The following GRID1 variants were observed in gnomAD, a reference collection of about 807,000 sequenced individuals.
The protein encoded by GRID1 is glutamate receptor ionotropic, delta-1.
Under a neutral mutation model 98.0 loss-of-function variants are expected in GRID1, and 28 were observed. That is an observed-to-expected ratio of 0.29 (90% CI 0.21 to 0.39). GRID1 has a LOEUF of 0.39. Among genes scored for constraint, GRID1 ranks in the 10% least tolerant of loss-of-function variants. The pLI is 1.00. For missense variants in GRID1, 1,111 were observed against 1,340.5 expected, an observed-to-expected ratio of 0.83 and a Z score of 2.67; for synonymous variants, 553 against 538.5, an observed-to-expected ratio of 1.03 and a Z score of -0.37.
chr10:85,973,990 G>A (rs1294855521), intron 4 of GRID1, among the ~76,000 whole-genome samples: 1 of 152,156 alleles, frequency 6.6e-6, no homozygotes, highest in Non-Finnish European at 1.5e-5. Flanking sequence ...TCGCAGACTG[G>A]GGAGTCACCT....
At chr10:85,720,388 T>C (rs940073189) in intron 12 of GRID1, among the ~76,000 whole-genome samples, 2 of 151,862 alleles carry the variant, frequency 1.3e-5, no homozygotes, top group Non-Finnish European at 2.9e-5. Flanking sequence ...ACAAAGAAGA[T>C]TAAAATGGGA....
At position 86,206,325 on chromosome 10, in the gene GRID1, G is replaced by T; in HGVS notation, c.520+39C>A. 1 of 1,558,788 alleles carries T rather than the reference G, an allele frequency of 6.4e-7. No individual in the cohort carries two copies. Among genetic ancestry groups the T allele is most frequent in the Non-Finnish European group, 8.7e-7 (1 of 1,149,386 alleles). On this transcript the variant is annotated intron_variant, in intron 3 of 15. Coordinates refer to ENST00000327946, the MANE Select transcript of GRID1 (RefSeq NM_017551.3). This position sits in a 1 kb window ranked among gnomAD's most constrained non-coding sequence, Gnocchi z 4.1. ...GGTCTCCCAGCATCTGGCCATCCCT[G>T]TCCCCAAGCAGCCCCAGCTCGCCTG... is the stretch of plus-strand genomic sequence containing the variant.
intron 2 of GRID1, among the ~76,000 whole-genome samples, chr10:86,247,134 G>T (rs933796783): frequency 2.0e-5 from 3 of 152,224 alleles, no homozygotes; most frequent in African/African-American, 7.2e-5. Context: ...GGGCAAGGGG[G>T]TAGGTGGATG....
chr10:86,104,059 T>G (rs1844342066), intron 4 of GRID1, among the ~76,000 whole-genome samples: 1 of 152,156 alleles, frequency 6.6e-6, no homozygotes, highest in Admixed American at 6.5e-5. Context: ...GGTGCACATG[T>G]GCATACTTGT....
At chr10:85,880,365 A>T (rs568583912) in intron 5 of GRID1, among the ~76,000 whole-genome samples, 1 of 152,308 alleles carries the variant, frequency 6.6e-6, no homozygotes, top group East Asian at 1.9e-4. Context: ...TTGATGCAAA[A>T]ATCCTCAATA....
chr10:85,613,969 T>A (rs1218834552), intron 14 of GRID1, among the ~76,000 whole-genome samples: 1 of 152,190 alleles, frequency 6.6e-6, no homozygotes, highest in Non-Finnish European at 1.5e-5. Context: ...GAGCTCAAGA[T>A]AAAACTAGGA....
At chr10:85,708,156 G>T (rs535798654) in intron 12 of GRID1, among the ~76,000 whole-genome samples, 9,041 of 147,064 alleles carry the variant, frequency 0.061, 540 homozygotes, top group African/African-American at 0.15. Context: ...ATAATCCCCA[G>T]CACTTTGGGA....
intron 8 of GRID1, among the ~76,000 whole-genome samples, chr10:85,821,591 T>C (rs1367540396): frequency 7.0e-6 from 1 of 142,434 alleles, no homozygotes; most frequent in Non-Finnish European, 1.5e-5. Context: ...GAGGGAGACA[T>C]GGATTGCAAA....
intron 3 of GRID1, among the ~76,000 whole-genome samples, chr10:86,162,212 C>A (rs570437342): frequency 2.0e-5 from 3 of 152,160 alleles, no homozygotes; most frequent in Non-Finnish European, 4.4e-5. Flanking sequence ...GGTGGTGTCC[C>A]AGGCAGCAAG....
At chr10:85,918,484 C>G (rs1841651781) in intron 4 of GRID1, among the ~76,000 whole-genome samples, 1 of 152,146 alleles carries the variant, frequency 6.6e-6, no homozygotes, top group Admixed American at 6.5e-5. Context: ...GGAGTTTGTT[C>G]CACCCCTTGA....
chr10:86,183,453 A>C (rs551589088), intron 3 of GRID1, among the ~76,000 whole-genome samples: 1 of 152,228 alleles, frequency 6.6e-6, no homozygotes, highest in Non-Finnish European at 1.5e-5. Flanking sequence ...ACTGCCTCCC[A>C]GATTCAAGCG....
intron 2 of GRID1, among the ~76,000 whole-genome samples, chr10:86,312,660 A>C (rs936317937): frequency 8.5e-5 from 13 of 152,202 alleles, no homozygotes; most frequent in Non-Finnish European, 1.9e-4. Context: ...TCTTCAAATC[A>C]CTGTCGATCA....
At chr10:85,807,976 G>T (rs1032589094) in intron 8 of GRID1, among the ~76,000 whole-genome samples, 2 of 152,022 alleles carry the variant, frequency 1.3e-5, no homozygotes, top group African/African-American at 2.4e-5. Context: ...TAAAAGTAAA[G>T]CCCAGGAGAT....
chr10:85,987,979 C>A lies in GRID1; in HGVS notation c.727-71740G>T, dbSNP rs190468059. ...GGGTAATCATCAGGTTTGTCACCACCAAATCCCCTGTACCTAACACAGAGA... is the reference window on the plus strand; with the variant it reads ...GGGTAATCATCAGGTTTGTCACCACAAAATCCCCTGTACCTAACACAGAGA... On this transcript the variant is annotated intron_variant, in intron 4 of 15. Coordinates refer to ENST00000327946, the MANE Select transcript of GRID1 (RefSeq NM_017551.3). Among the ~76,000 whole-genome samples the A allele has an allele frequency of 4.6e-5, 7 of 152,232 alleles. No homozygotes were observed. In the East Asian group the frequency reaches 1.4e-3, roughly 29 times the overall value.
chr10:85,654,758 C>T (rs1840874825), intron 12 of GRID1, among the ~76,000 whole-genome samples: 1 of 152,228 alleles, frequency 6.6e-6, no homozygotes, highest in Admixed American at 6.5e-5. Context: ...CCCATCAGTA[C>T]TGAGGCTCCC....
intron 5 of GRID1, among the ~76,000 whole-genome samples, chr10:85,876,540 ACAGGTT>A (rs1158314714): frequency 2.0e-5 from 3 of 152,212 alleles, no homozygotes; most frequent in Non-Finnish European, 2.9e-5. Flanking sequence ...GGTAATACTA[ACAGGTT>A]CTAGGATTAG....
intron 4 of GRID1, among the ~76,000 whole-genome samples, chr10:86,096,119 T>C (rs1309705850): frequency 6.6e-6 from 1 of 152,172 alleles, no homozygotes; most frequent in African/African-American, 2.4e-5. Context: ...ATGTCATATG[T>C]TCTCACTGAT....
Position 85,655,996 on chromosome 10 carries a change from A to C in GRID1, c.1998-8599T>G, listed in dbSNP as rs569472241. On this transcript the variant is annotated intron_variant, in intron 12 of 15. Transcript: ENST00000327946. ...TACATCTTCTCTCTCTCAAAAAAAAAAAAAGTCCTGTGAGATGACATCCTC... is the reference window on the plus strand; with the variant it reads ...TACATCTTCTCTCTCTCAAAAAAAACAAAAGTCCTGTGAGATGACATCCTC... Among the ~76,000 whole-genome samples, 93 of 152,158 alleles carry C rather than the reference A, an allele frequency of 6.1e-4. 1 individual carries two copies. In the South Asian group the frequency reaches 0.019, roughly 31 times the overall value.
chr10:85,696,062 A>G (rs1841389668), intron 12 of GRID1, among the ~76,000 whole-genome samples: 1 of 152,186 alleles, frequency 6.6e-6, no homozygotes, highest in Admixed American at 6.5e-5. Context: ...TATATGGACC[A>G]TAAAGCACAA....
Sources: allele counts gnomAD v4.1 joint callset (sites outside exome capture counted in the v4.1 genomes callset), GRCh38; gene constraint gnomAD v4.1.1; non-coding constraint Gnocchi (gnomAD v3.1); transcripts MANE v1.5; gene names NCBI Gene and HGNC (gene_info 2026-07-23, HGNC 2026-07-21).